The following DPYSL2 variants were observed in gnomAD, a reference collection of about 807,000 sequenced individuals.
DPYSL2 encodes the protein dihydropyrimidinase-related protein 2.
In DPYSL2, 13 loss-of-function variants were observed where a neutral mutation model predicts 69.9. The ratio of observed to expected loss-of-function variants is 0.19; its 90% CI spans 0.12 to 0.30. The LOEUF (loss-of-function observed/expected upper bound fraction) is 0.30, where lower values mean the gene tolerates loss of function less well. DPYSL2 is among the 10% of genes least tolerant of loss of function. The probability of loss-of-function intolerance (pLI) is 1.00; values close to 1 mark genes in which losing one functional copy is unlikely to be tolerated. For missense variants in DPYSL2, 587 were observed against 918.9 expected, an observed-to-expected ratio of 0.64 and a Z score of 4.67; for synonymous variants, 326 against 359.1, an observed-to-expected ratio of 0.91 and a Z score of 1.04.
Position 26,586,495 on chromosome 8 carries a change from T to C in DPYSL2, c.628+2512T>C, listed in dbSNP as rs2129751247. ...TGCATTCCTGGGTCTGCCTCTTCCC[T>C]CCACACGCTCGCCCCGTGCTTAGGC... On this transcript the variant is annotated intron_variant, in intron 3 of 13. Coordinates refer to ENST00000521913, the MANE Select transcript of DPYSL2 (RefSeq NM_001197293.3). The surrounding 1 kb of genome is among the most constrained non-coding windows in gnomAD (Gnocchi z 4.7). Among the ~76,000 whole-genome samples, 1 of 152,310 alleles carries C rather than the reference T, an allele frequency of 6.6e-6. No homozygotes were observed. Among genetic ancestry groups the C allele is most frequent in the Non-Finnish European group, 1.5e-5 (1 of 68,016 alleles).
chr8:26,635,906 T>C (rs1452668640), intron 8 of DPYSL2, among the ~76,000 whole-genome samples: 1 of 152,228 alleles, frequency 6.6e-6, no homozygotes, highest in Admixed American at 6.5e-5. Context: ...TCTACTTCCC[T>C]GCATCATGCA....
At chr8:26,646,760 G>T (rs1376955707) in intron 10 of DPYSL2, among the ~76,000 whole-genome samples, 2 of 152,034 alleles carry the variant, frequency 1.3e-5, no homozygotes, top group Non-Finnish European at 2.9e-5. Flanking sequence ...GGAGAGCGAG[G>T]TGGGAGGGTT....
chr8:26,642,437 T>G lies in DPYSL2; in HGVS notation c.1127-1002T>G, dbSNP rs1014570049. 2.0e-5 allele frequency among the ~76,000 whole-genome samples: 3 copies of G among 152,212 alleles called. No individual in the cohort carries two copies. The highest frequency in any genetic ancestry group is 4.4e-5 in the Non-Finnish European group (3 of 68,040). ...GCAGAAGGGCTCCTTTGGAAGATTT[T>G]ATGCAAGAGAATGCCATGGAAAGAT... On this transcript the variant is annotated intron_variant, in intron 8 of 13. Transcript: ENST00000521913. This position sits in a 1 kb window ranked among gnomAD's most constrained non-coding sequence, Gnocchi z 5.3.
At chr8:26,581,023 A>G (rs990074575) in intron 1 of DPYSL2, among the ~76,000 whole-genome samples, 24 of 152,238 alleles carry the variant, frequency 1.6e-4, no homozygotes, top group African/African-American at 5.3e-4. Context: ...AGTGCATTGC[A>G]TCTTAGAATT....
rs559093954 is a variant in DPYSL2 at position 26,643,436 on chromosome 8, C to T, written c.1127-3C>T. The T allele has an allele frequency of 3.2e-6, 5 of 1,580,210 alleles. No homozygotes were observed. In the African/African-American group the frequency reaches 4.0e-5, roughly 13 times the overall value. ...ACTGAACCTTGTGTGTTCTGTTTGT[C>T]AGGAACTGTGGTGTATGGCGAGCCC... On this transcript the variant is annotated splice_polypyrimidine_tract_variant and splice_region_variant and intron_variant, in intron 8 of 13. Coordinates refer to ENST00000521913, the MANE Select transcript of DPYSL2 (RefSeq NM_001197293.3). The surrounding 1 kb of genome is among the most constrained non-coding windows in gnomAD (Gnocchi z 6.5).
chr8:26,628,999 G>A (rs1802678043), intron 7 of DPYSL2, among the ~76,000 whole-genome samples: 1 of 152,286 alleles, frequency 6.6e-6, no homozygotes, highest in African/African-American at 2.4e-5. Flanking sequence ...ACTGCCTCGG[G>A]TGCAGGAGGG....
At position 26,627,293 on chromosome 8, in the gene DPYSL2, G is replaced by A; in HGVS notation, c.934G>A (p.Glu312Lys). ...CGCAGAAAATGGCGACATCATTGCAGAGGTACAGGGCTTTCTTTTTCGTCA... is the reference window on the plus strand; with the variant it reads ...CGCAGAAAATGGCGACATCATTGCAAAGGTACAGGGCTTTCTTTTTCGTCA... ...VHAENGDIIA[E>K]EQQRILDLGI... The change falls in exon 6 of 14, where the codon GAG (glutamate) becomes AAG (lysine). Residue 312 changes from glutamate to lysine, a missense_variant and splice_region_variant. Glu to Lys is a moderately conservative substitution (Grantham distance 56). This residue lies in a region of DPYSL2 where 452 missense variants were observed against 754.3 expected (regional missense o/e 0.60). Transcript: ENST00000521913. The surrounding 1 kb of genome is among the most constrained non-coding windows in gnomAD (Gnocchi z 6.9). 1 of 1,614,176 alleles carries A rather than the reference G, an allele frequency of 6.2e-7. No homozygotes were observed. Among genetic ancestry groups the A allele is most frequent in the Non-Finnish European group, 8.5e-7 (1 of 1,180,026 alleles).
intron 1 of DPYSL2, among the ~76,000 whole-genome samples, chr8:26,530,946 C>A (rs1800501069): frequency 6.6e-6 from 1 of 151,886 alleles, no homozygotes; most frequent in African/African-American, 2.4e-5. Context: ...GTAGTCCCAG[C>A]TACACAGGAG....
intron 1 of DPYSL2, among the ~76,000 whole-genome samples, chr8:26,532,176 G>T (rs1363121157): frequency 6.6e-6 from 1 of 152,140 alleles, no homozygotes; most frequent in South Asian, 2.1e-4. Flanking sequence ...CACAGTTGCT[G>T]GAGGATGATC....
chr8:26,643,742 G>T lies in DPYSL2; in HGVS notation c.1283+147G>T. On this transcript the variant is annotated intron_variant, in intron 9 of 13. Transcript: ENST00000521913. This position sits in a 1 kb window ranked among gnomAD's most constrained non-coding sequence, Gnocchi z 6.5. ...AAACTAGGTTGGCTACATGAGTACA[G>T]GGAATTGTCATTCTAGCACCATTTT... The T allele has an allele frequency of 1.5e-6, 2 of 1,293,642 alleles. No homozygotes were observed. The highest frequency in any genetic ancestry group is 2.1e-6 in the Non-Finnish European group (2 of 931,748). 80.1% of individuals were successfully genotyped at this position (1,293,642 alleles called of 1,614,324 possible).
chr8:26,650,826 G>T lies in DPYSL2; in HGVS notation c.1597-1431G>T, dbSNP rs984463124. ...CCCCAAGAATTGGAACTGGAAGTGG[G>T]TGCTTGTCCAGCCTTGTGGTCTGAA... On this transcript the variant is annotated intron_variant, in intron 11 of 13. Transcript: ENST00000521913. This position sits in a 1 kb window ranked among gnomAD's most constrained non-coding sequence, Gnocchi z 5.3. Among the ~76,000 whole-genome samples the T allele has an allele frequency of 4.6e-5, 7 of 152,192 alleles. No homozygotes were observed. The highest frequency in any genetic ancestry group is 1.7e-4 in the African/African-American group (7 of 41,448).
chr8:26,576,500 G>T (rs1801346291), intron 1 of DPYSL2, among the ~76,000 whole-genome samples: 1 of 152,170 alleles, frequency 6.6e-6, no homozygotes, highest in Admixed American at 6.5e-5. Context: ...TCCCACGGGG[G>T]TTGGCCTCGG....
intron 1 of DPYSL2, among the ~76,000 whole-genome samples, chr8:26,530,379 T>C (rs1298291762): frequency 6.6e-6 from 1 of 152,230 alleles, no homozygotes; most frequent in Non-Finnish European, 1.5e-5. Context: ...ATCTTTGACA[T>C]ATGATTTCTT....
intron 1 of DPYSL2, among the ~76,000 whole-genome samples, chr8:26,523,893 G>C (rs1386765757): frequency 6.6e-6 from 1 of 152,266 alleles, no homozygotes; most frequent in East Asian, 1.9e-4. Context: ...TGTATGTATA[G>C]ACCACATTTT....
intron 1 of DPYSL2, among the ~76,000 whole-genome samples, chr8:26,569,545 G>T (rs969696646): frequency 6.6e-6 from 1 of 152,188 alleles, no homozygotes; most frequent in African/African-American, 2.4e-5. Context: ...ACTCTTGTTT[G>T]TTGAGTGTTG....
intron 1 of DPYSL2, among the ~76,000 whole-genome samples, chr8:26,563,205 ACT>A (rs775884040): frequency 1.3e-5 from 2 of 151,692 alleles, no homozygotes; most frequent in East Asian, 3.9e-4. Context: ...CATGTCTATC[ACT>A]CTCTCTTGCT....
intron 1 of DPYSL2, among the ~76,000 whole-genome samples, chr8:26,540,305 T>C (rs1474872720): frequency 1.3e-5 from 2 of 152,130 alleles, no homozygotes; most frequent in East Asian, 3.9e-4. Context: ...ACAGGCCATT[T>C]AATACTATTT....
At chr8:26,545,976 T>C (rs1397521314) in intron 1 of DPYSL2, among the ~76,000 whole-genome samples, 1 of 152,332 alleles carries the variant, frequency 6.6e-6, no homozygotes, top group South Asian at 2.1e-4. Flanking sequence ...CTGGGTCTTT[T>C]GGCTTTTCAT....
At chr8:26,604,788 A>G (rs572582005) in intron 3 of DPYSL2, among the ~76,000 whole-genome samples, 7 of 152,034 alleles carry the variant, frequency 4.6e-5, no homozygotes, top group African/African-American at 1.7e-4. Flanking sequence ...CAGCCTCCCA[A>G]GTAGCTGGGA....
Sources: allele counts gnomAD v4.1 joint callset (sites outside exome capture counted in the v4.1 genomes callset), GRCh38; gene constraint gnomAD v4.1.1; regional missense constraint gnomAD v4.1.1; non-coding constraint Gnocchi (gnomAD v3.1); transcripts MANE v1.5; gene names NCBI Gene and HGNC (gene_info 2026-07-23, HGNC 2026-07-21).